The following PTPRD variants were observed in gnomAD, a reference collection of about 807,000 sequenced individuals.
PTPRD encodes the protein receptor-type tyrosine-protein phosphatase delta.
Under a neutral mutation model 214.5 loss-of-function variants are expected in PTPRD, and 34 were observed. The observed-to-expected ratio is 0.16, with a 90% CI of 0.12 to 0.21. The LOEUF (loss-of-function observed/expected upper bound fraction) is 0.21, where lower values mean the gene tolerates loss of function less well. Ranked by LOEUF, PTPRD falls within the 10% of genes least tolerant of loss-of-function variation. PTPRD has a pLI of 1.00. For synonymous variants in PTPRD, 1,128 were observed against 845.7 expected (o/e 1.33, Z -5.79); for missense variants, 2,545 against 2,398.7 (o/e 1.06, Z -1.27).
chr9:9,481,061 T>C (rs1424348844), intron 8 of PTPRD, among the ~76,000 whole-genome samples: 1 of 152,016 alleles, frequency 6.6e-6, no homozygotes, highest in Non-Finnish European at 1.5e-5. Flanking sequence ...TTGGAATAAA[T>C]TAGAATGTGC....
At chr9:10,019,784 G>T (rs1012266471) in intron 4 of PTPRD, among the ~76,000 whole-genome samples, 12 of 149,702 alleles carry the variant, frequency 8.0e-5, no homozygotes, top group African/African-American at 2.7e-4. Context: ...TTGTGGGGTG[G>T]GGGGGAGCTG....
Position 9,058,119 on chromosome 9 carries a change from T to C in PTPRD, c.-142-39384A>G, listed in dbSNP as rs1056696186. On this transcript the variant is annotated intron_variant, in intron 10 of 45. Transcript: ENST00000381196. ...ACTTGACCATGTTTGGAAAGAGAAG[T>C]CTTCCAAATAAATAAGTATTTAAAT... is the stretch of plus-strand genomic sequence containing the variant. 5.9e-5 allele frequency among the ~76,000 whole-genome samples: 9 copies of C among 152,162 alleles called. No homozygotes were observed. The East Asian group carries it at 1.7e-3, about 30-fold the overall frequency.
chr9:10,588,545 C>T (rs1465663754), intron 2 of PTPRD, among the ~76,000 whole-genome samples: 1 of 151,582 alleles, frequency 6.6e-6, no homozygotes, highest in Non-Finnish European at 1.5e-5. Context: ...AGAACTCATA[C>T]TATTGATATT....
At chr9:8,929,170 C>A (rs1457402409) in intron 11 of PTPRD, among the ~76,000 whole-genome samples, 3 of 152,042 alleles carry the variant, frequency 2.0e-5, no homozygotes, top group Non-Finnish European at 4.4e-5. Context: ...CCTAACTGAA[C>A]ACACTTGATT....
At chr9:10,486,523 C>A (rs1311882812) in intron 2 of PTPRD, among the ~76,000 whole-genome samples, 2 of 152,098 alleles carry the variant, frequency 1.3e-5, no homozygotes, top group East Asian at 1.9e-4. Context: ...GGTCTCTGTT[C>A]TGCTCCATTG....
intron 11 of PTPRD, among the ~76,000 whole-genome samples, chr9:8,866,758 G>A (rs1033000266): frequency 5.0e-5 from 7 of 139,396 alleles, no homozygotes; most frequent in African/African-American, 1.4e-4. Context: ...TTATCTATCC[G>A]TTAAGAATCA....
At chr9:9,482,557 G>C (rs2095462691) in intron 8 of PTPRD, among the ~76,000 whole-genome samples, 1 of 152,112 alleles carries the variant, frequency 6.6e-6, no homozygotes, top group Admixed American at 6.6e-5. Context: ...AGCCAAAGAA[G>C]CATCACAAGT....
In PTPRD at chr9:8,370,148, T is replaced by A. The variant is rs961750072; in HGVS notation, c.4661+5788A>T. Among the ~76,000 whole-genome samples the A allele has an allele frequency of 2.0e-5, 3 of 151,714 alleles. No individual in the cohort carries two copies. The East Asian group carries it at 5.8e-4, about 29-fold the overall frequency. On this transcript the variant is annotated intron_variant, in intron 39 of 45. Transcript: ENST00000381196. ...GAAAGTTCTGCCCCAAAATCACATTTTATAAATAAGATAAAAACAATACTA... is the reference window on the plus strand; with the variant it reads ...GAAAGTTCTGCCCCAAAATCACATTATATAAATAAGATAAAAACAATACTA...
At chr9:8,701,224 T>C (rs1213197304) in intron 12 of PTPRD, among the ~76,000 whole-genome samples, 1 of 152,132 alleles carries the variant, frequency 6.6e-6, no homozygotes, top group African/African-American at 2.4e-5. Flanking sequence ...AATAAGAATC[T>C]TTTCCATTGC....
At chr9:9,312,834 A>C (rs772062684) in intron 9 of PTPRD, among the ~76,000 whole-genome samples, 2 of 152,220 alleles carry the variant, frequency 1.3e-5, no homozygotes, top group Non-Finnish European at 2.9e-5. Flanking sequence ...TGCAGCACAA[A>C]AGCACTCAGC....
intron 8 of PTPRD, among the ~76,000 whole-genome samples, chr9:9,569,291 G>T (rs1425532220): frequency 6.6e-6 from 1 of 151,016 alleles, no homozygotes; most frequent in African/African-American, 2.4e-5. Flanking sequence ...AAAAAAAAAG[G>T]TATTTAAAGG....
At chr9:8,806,797 C>T (rs1325743717) in intron 11 of PTPRD, among the ~76,000 whole-genome samples, 1 of 152,014 alleles carries the variant, frequency 6.6e-6, no homozygotes, top group East Asian at 1.9e-4. Flanking sequence ...TTTTAAAAAC[C>T]ACTTTGCCCA....
rs1010795156 is a variant in PTPRD at position 9,567,397 on chromosome 9, C to G, written c.-237+7335G>C. Among the ~76,000 whole-genome samples, 52 of 151,944 alleles carry G rather than the reference C, an allele frequency of 3.4e-4. 1 individual carries two copies. Among genetic ancestry groups the G allele is most frequent in the Non-Finnish European group, 1.5e-4 (10 of 67,938 alleles). ...GCAAAACTGAGGGAGAAACCCCATT[C>G]TGTACATTTTTATACAGAAATTATT... On this transcript the variant is annotated intron_variant, in intron 8 of 45. Coordinates refer to ENST00000381196, the MANE Select transcript of PTPRD (RefSeq NM_002839.4).
At chr9:8,562,343 T>G (rs1262756011) in intron 14 of PTPRD, among the ~76,000 whole-genome samples, 1 of 152,158 alleles carries the variant, frequency 6.6e-6, no homozygotes, top group Admixed American at 6.5e-5. Flanking sequence ...TATTGTCACC[T>G]TTCTAAGATT....
chr9:10,134,797 C>A (rs74908605), intron 3 of PTPRD, among the ~76,000 whole-genome samples: 1 of 152,074 alleles, frequency 6.6e-6, no homozygotes, highest in Non-Finnish European at 1.5e-5. Flanking sequence ...ACATTAACTA[C>A]GGCAATTCAA....
intron 11 of PTPRD, among the ~76,000 whole-genome samples, chr9:8,831,540 A>C (rs2097291947): frequency 6.6e-6 from 1 of 152,202 alleles, no homozygotes. Context: ...CAATAAAACC[A>C]GTCATTTCAA....
In PTPRD at chr9:10,079,572, G is replaced by C. The variant is rs139446585; in HGVS notation, c.-544-45782C>G. ...GTGTGGGCATCAAGGATAGAGATTT[G>C]GATTTTAATTCAGGCCCTGCTGCTA... On this transcript the variant is annotated intron_variant, in intron 3 of 45. Coordinates refer to ENST00000381196, the MANE Select transcript of PTPRD (RefSeq NM_002839.4). Among the ~76,000 whole-genome samples, 35 of 152,094 alleles carry C rather than the reference G, an allele frequency of 2.3e-4. 1 individual carries two copies. Among genetic ancestry groups the C allele is most frequent in the African/African-American group, 7.9e-4 (33 of 41,520 alleles).
chr9:9,896,632 C>A (rs1448067776), intron 5 of PTPRD, among the ~76,000 whole-genome samples: 1 of 151,894 alleles, frequency 6.6e-6, no homozygotes, highest in Non-Finnish European at 1.5e-5. Context: ...CGAATTAGAT[C>A]CGAGGAATTC....
chr9:9,400,461 A>T (rs954414794), intron 8 of PTPRD, among the ~76,000 whole-genome samples: 2 of 152,012 alleles, frequency 1.3e-5, no homozygotes, highest in African/African-American at 4.8e-5. Context: ...TAATACTACA[A>T]CATATTTTCA....
Sources: gnomAD v4.1 joint callset for allele counts (sites outside exome capture counted in the v4.1 genomes callset) on GRCh38, gnomAD v4.1.1 for gene constraint, MANE v1.5 for transcripts, NCBI Gene and HGNC (gene_info 2026-07-23, HGNC 2026-07-21) for gene names.